SHC3: variants seen among roughly 807,000 people sequenced by gnomAD.
The protein encoded by SHC3 is SHC-transforming protein 3.
SHC3 carries 15 observed loss-of-function variants against 60.4 expected under a neutral mutation model. That is an observed-to-expected ratio of 0.25 (90% CI 0.17 to 0.38). The LOEUF is 0.38. SHC3 is among the 10% of genes least tolerant of loss of function. The pLI is 1.00. For synonymous variants in SHC3, 294 were observed against 325.9 expected (o/e 0.90, Z 1.05); for missense variants, 677 against 786.1 (o/e 0.86, Z 1.66).
intron 4 of SHC3, among the ~76,000 whole-genome samples, chr9:89,072,340 C>T (rs997799141): frequency 1.3e-5 from 2 of 152,158 alleles, no homozygotes; most frequent in Non-Finnish European, 2.9e-5. Flanking sequence ...GTCTCACCCA[C>T]ACACCAAAAC....
chr9:89,014,667 T>C (rs1307308963), intron 11 of SHC3, among the ~76,000 whole-genome samples: 7 of 152,216 alleles, frequency 4.6e-5, no homozygotes, highest in African/African-American at 1.7e-4. Context: ...ATGTTCATTC[T>C]CCTGTTTTCC....
intron 4 of SHC3, among the ~76,000 whole-genome samples, chr9:89,073,635 C>G (rs1157574842): frequency 2.0e-5 from 3 of 152,200 alleles, no homozygotes; most frequent in Admixed American, 2.0e-4. Context: ...CCGCCCAAAC[C>G]AAGGGCAGGA....
At chr9:89,144,358 A>C (rs1375018558) in intron 1 of SHC3, among the ~76,000 whole-genome samples, 1 of 152,260 alleles carries the variant, frequency 6.6e-6, no homozygotes, top group African/African-American at 2.4e-5. Context: ...ATGGCTCTCA[A>C]ACTGGAGTAT....
At chr9:89,170,186 C>T (rs1211521150) in intron 1 of SHC3, among the ~76,000 whole-genome samples, 2 of 152,282 alleles carry the variant, frequency 1.3e-5, no homozygotes, top group Non-Finnish European at 2.9e-5. Flanking sequence ...GTTTGGGATT[C>T]GACATGGTAC....
rs1245645518 is a variant in SHC3, at chr9:89,077,902, C to A, written c.547G>T (p.Glu183Ter). The change falls in exon 3 of 12, where the codon GAA becomes TAA. Residue 183 changes from glutamate (E) to a stop codon, truncating the protein, a stop_gained and splice_region_variant. Coordinates refer to ENST00000375835, the MANE Select transcript of SHC3 (RefSeq NM_016848.6). LOFTEE classifies it high-confidence loss of function. The stretch of plus-strand genomic sequence containing the variant: ...GCTTCACAGACGCGGCTGATGGCTT[C>A]CCTTAGGACAGGAAGAAAAAGCAAT... ...DFSTRTQITR[E>*]AISRVCEAVP... 1 of 1,614,088 alleles carries A rather than the reference C, an allele frequency of 6.2e-7. No homozygotes were observed. The highest frequency in any genetic ancestry group is 1.3e-5 in the African/African-American group (1 of 74,936).
At chr9:89,110,187 A>G (rs1206228314) in intron 2 of SHC3, 3 of 985,340 alleles carry the variant, frequency 3.0e-6, no homozygotes, top group African/African-American at 3.5e-5. Context: ...AATCACCTCA[A>G]TTCTGAAGTG....
At position 89,013,212 on chromosome 9, in the gene SHC3, T is replaced by C. The variant is rs1564072270; in HGVS notation, c.*235A>G. ...TTACATCTTTCTTAGTCTTAAAAAA[T>C]ATAAATATAGAGGGATAATTTGTAC... On this transcript the variant is annotated 3_prime_UTR_variant, in exon 12 of 12. Coordinates refer to ENST00000375835, the MANE Select transcript of SHC3 (RefSeq NM_016848.6). 2 of 329,308 alleles carry C rather than the reference T, an allele frequency of 6.1e-6. No homozygotes were observed. Among genetic ancestry groups the C allele is most frequent in the Non-Finnish European group, 1.1e-5 (2 of 185,364 alleles). 20.4% of individuals were successfully genotyped at this position (329,308 alleles called of 1,614,324 possible). A position where few individuals can be genotyped will look rare whatever the true frequency, so the allele number is the denominator to read the frequency against.
chr9:89,037,826 G>GCTCCTGC (rs1418698050), intron 11 of SHC3, among the ~76,000 whole-genome samples, 167 bp downstream of exon 11: 1 of 152,256 alleles, frequency 6.6e-6, no homozygotes, highest in Non-Finnish European at 1.5e-5. Context: ...CTGGCTCCTG[G>GCTCCTGC]CTCTGGCCTG....
intron 6 of SHC3, among the ~76,000 whole-genome samples, chr9:89,057,641 T>C (rs1358379598): frequency 6.6e-6 from 1 of 152,060 alleles, no homozygotes; most frequent in East Asian, 1.9e-4. Flanking sequence ...AAAAAAAACA[T>C]ATACAAAATA....
intron 2 of SHC3, among the ~76,000 whole-genome samples, chr9:89,108,042 AC>A (rs1825889512): frequency 6.6e-6 from 1 of 152,196 alleles, no homozygotes; most frequent in Non-Finnish European, 1.5e-5. Context: ...ACAAATACTT[AC>A]CATTGTGTTC....
intron 1 of SHC3, among the ~76,000 whole-genome samples, chr9:89,151,907 C>T (rs538470139): frequency 1.3e-5 from 2 of 152,086 alleles, no homozygotes; most frequent in African/African-American, 4.8e-5. Flanking sequence ...GCATGTATTG[C>T]CCTAATAAAA....
chr9:89,014,196 T>G (rs1319846625), intron 11 of SHC3, among the ~76,000 whole-genome samples: 1 of 152,226 alleles, frequency 6.6e-6, no homozygotes, highest in African/African-American at 2.4e-5. Flanking sequence ...TCCGTGTTCC[T>G]GGGCTTTCAA....
At chr9:89,105,356 G>A (rs576885273) in intron 2 of SHC3, among the ~76,000 whole-genome samples, 19 of 152,096 alleles carry the variant, frequency 1.2e-4, no homozygotes, top group South Asian at 1.0e-3. Flanking sequence ...ATAAACTTTC[G>A]GATCCTGTAT....
intron 1 of SHC3, among the ~76,000 whole-genome samples, chr9:89,151,703 T>C (rs1346518504): frequency 2.0e-5 from 3 of 152,244 alleles, no homozygotes; most frequent in Non-Finnish European, 2.9e-5. Context: ...TATGCAGCTA[T>C]TAAAAATTAT....
chr9:89,077,997 C>T, intron 2 of SHC3, 94 bp from the exon 3 acceptor site: 2 of 1,397,706 alleles, frequency 1.4e-6, no homozygotes, highest in Admixed American at 3.5e-5. Context: ...AAAATAACTG[C>T]CTGTTTATTT....
intron 2 of SHC3, among the ~76,000 whole-genome samples, chr9:89,087,247 C>T (rs57150910): frequency 3.9e-5 from 6 of 152,236 alleles, no homozygotes; most frequent in African/African-American, 1.4e-4. Flanking sequence ...ACCAGAAGTT[C>T]TTTCATCCAA....
At chr9:89,108,007 T>C (rs1015840355) in intron 2 of SHC3, among the ~76,000 whole-genome samples, 5 of 152,176 alleles carry the variant, frequency 3.3e-5, no homozygotes, top group African/African-American at 1.2e-4. Context: ...ACTCTACCTT[T>C]TCTATGCTCG....
chr9:89,072,747 T>C (rs1825294781), intron 4 of SHC3, among the ~76,000 whole-genome samples: 1 of 152,224 alleles, frequency 6.6e-6, no homozygotes. Flanking sequence ...TAACCCAACA[T>C]AACCAGGTTT....
intron 1 of SHC3, among the ~76,000 whole-genome samples, chr9:89,146,246 A>C (rs1317657490): frequency 6.6e-6 from 1 of 152,038 alleles, no homozygotes; most frequent in Non-Finnish European, 1.5e-5. Flanking sequence ...AGTCTCAGCT[A>C]CTTGGTGGGC....
Sources: allele counts gnomAD v4.1 joint callset (sites outside exome capture counted in the v4.1 genomes callset), GRCh38; gene constraint gnomAD v4.1.1; transcripts MANE v1.5; gene names NCBI Gene and HGNC (gene_info 2026-07-23, HGNC 2026-07-21).